ACOXL: variants seen among roughly 807,000 people sequenced by gnomAD.
The protein encoded by ACOXL is acyl-CoA oxidase like, also known as acyl-coenzyme A oxidase-like protein.
ACOXL carries 70 observed loss-of-function variants against 71.9 expected under a neutral mutation model. The observed-to-expected ratio is 0.97, with a 90% CI of 0.80 to 1.19. ACOXL has a LOEUF of 1.19. Among genes scored for constraint, ACOXL ranks in the 50% most tolerant of loss-of-function variants. The pLI is 0.00. For synonymous variants in ACOXL, 253 were observed against 281.6 expected, an observed-to-expected ratio of 0.90 and a Z score of 1.02; for missense variants, 703 against 736.3, an observed-to-expected ratio of 0.95 and a Z score of 0.52.
intron 10 of ACOXL, among the ~76,000 whole-genome samples, chr2:110,844,573 A>C (rs1325020361): frequency 7.2e-6 from 1 of 139,212 alleles, no homozygotes; most frequent in Non-Finnish European, 1.5e-5. Context: ...TTTGAGACAG[A>C]GTCTTGCTCT....
At chr2:110,860,708 C>A (rs1369446352) in intron 10 of ACOXL, among the ~76,000 whole-genome samples, 1 of 152,200 alleles carries the variant, frequency 6.6e-6, no homozygotes, top group Non-Finnish European at 1.5e-5. Flanking sequence ...CTATCCAGAT[C>A]TTCAGTGCAG....
chr2:110,968,778 CAA>C (rs35801632), intron 12 of ACOXL: 6,567 of 214,762 alleles, frequency 0.031, no homozygotes, highest in Middle Eastern at 0.045. Flanking sequence ...TTATGGACAG[CAA>C]AAAAAAAAAA....
At chr2:110,849,925 A>G (rs199725357) in intron 10 of ACOXL, among the ~76,000 whole-genome samples, 48 of 152,370 alleles carry the variant, frequency 3.2e-4, no homozygotes, top group East Asian at 2.1e-3. Flanking sequence ...TTGTAGTCCA[A>G]TGGGACATAG....
chr2:110,851,370 C>G lies in ACOXL; in HGVS notation c.788+9965C>G, dbSNP rs377438796. Among the ~76,000 whole-genome samples, 4 of 152,170 alleles carry G rather than the reference C, an allele frequency of 2.6e-5. No homozygotes were observed. The East Asian group carries it at 7.7e-4, about 29-fold the overall frequency. On this transcript the variant is annotated intron_variant, in intron 10 of 17. Transcript: ENST00000439055. ...GCCGTGTTGACACTTTTTCCAAGTGCTTCTGGGTATGGTTTGAGGGGGTTC... is the reference window on the plus strand; with the variant it reads ...GCCGTGTTGACACTTTTTCCAAGTGGTTCTGGGTATGGTTTGAGGGGGTTC...
rs112609028 is a variant in ACOXL, at chr2:111,104,878, T to C, written c.1542+11912T>C. 8.9e-3 allele frequency among the ~76,000 whole-genome samples: 1,362 copies of C among 152,274 alleles called. 28 individuals carry two copies. The highest frequency in any genetic ancestry group is 0.032 in the African/African-American group (1,314 of 41,580). On this transcript the variant is annotated intron_variant, in intron 17 of 17. Transcript: ENST00000439055. The stretch of plus-strand genomic sequence containing the variant: ...TATGGACTGTAATGTACTTTTACTG[T>C]CAAGTCTAAAAACTTTTCACCTATT...
intron 14 of ACOXL, among the ~76,000 whole-genome samples, chr2:111,028,825 G>A (rs1457087850): frequency 6.6e-6 from 1 of 152,200 alleles, no homozygotes; most frequent in Non-Finnish European, 1.5e-5. Context: ...ATGGGATGTT[G>A]TTGATATTAA....
chr2:111,105,900 T>TCTCC lies in ACOXL; in HGVS notation c.1543-11713_1543-11710dup, dbSNP rs2069514393. Among the ~76,000 whole-genome samples, 3 of 152,332 alleles carry TCTCC rather than the reference T, an allele frequency of 2.0e-5. No homozygotes were observed. In the South Asian group the frequency reaches 6.2e-4, roughly 32 times the overall value. On this transcript the variant is annotated intron_variant, in intron 17 of 17. Coordinates refer to ENST00000439055, the MANE Select transcript of ACOXL (RefSeq NM_001142807.4). ...GAAAATCTGCTGCCAATTGTTTTTT[T>TCTCC]CTCCCTTGTAAGTAAAATGTCATTT...
intron 9 of ACOXL, among the ~76,000 whole-genome samples, chr2:110,840,774 A>T (rs917487333): frequency 6.6e-6 from 1 of 152,236 alleles, no homozygotes; most frequent in Non-Finnish European, 1.5e-5. Flanking sequence ...GATGTCACAC[A>T]TGAATTTCAG....
chr2:110,856,794 C>A (rs1201855319), intron 10 of ACOXL, among the ~76,000 whole-genome samples: 1 of 152,124 alleles, frequency 6.6e-6, no homozygotes, highest in Non-Finnish European at 1.5e-5. Context: ...TGGAATGTAT[C>A]CCCGGTACAG....
At chr2:110,908,002 G>A (rs752777332) in intron 10 of ACOXL, among the ~76,000 whole-genome samples, 7 of 152,168 alleles carry the variant, frequency 4.6e-5, no homozygotes, top group Admixed American at 1.3e-4. Context: ...ATAAACCAGC[G>A]TTAAACTCAG....
intron 9 of ACOXL, among the ~76,000 whole-genome samples, chr2:110,820,784 C>T (rs1688505063): frequency 6.6e-6 from 1 of 152,082 alleles, no homozygotes; most frequent in Non-Finnish European, 1.5e-5. Flanking sequence ...GTTGGGTTGG[C>T]CCAGATTTGG....
chr2:110,963,466 A>G (rs2149455775), intron 12 of ACOXL, among the ~76,000 whole-genome samples: 1 of 152,314 alleles, frequency 6.6e-6, no homozygotes, highest in Non-Finnish European at 1.5e-5. Context: ...TATTTTGGCT[A>G]GGAGAAATAT....
chr2:110,950,454 A>G (rs1196833028), intron 12 of ACOXL, among the ~76,000 whole-genome samples: 1 of 152,230 alleles, frequency 6.6e-6, no homozygotes, highest in Non-Finnish European at 1.5e-5. Context: ...AACGGCATAA[A>G]CAAGGCAATT....
rs751027436 is a variant in ACOXL, at chr2:111,092,950, C to T, written c.1526C>T (p.Thr509Met). The T allele has an allele frequency of 1.9e-5, 31 of 1,613,686 alleles. No homozygotes were observed. Among genetic ancestry groups the T allele is most frequent in the South Asian group, 2.2e-5 (2 of 91,068 alleles). ...EHKYLTPMAS[T>M]RIRNQLLDLC... ...AAATACTTGACTCCCATGGCCAGCA[C>T]GAGGATCAGGAATCAGGTAAGGTCC... is the stretch of plus-strand genomic sequence containing the variant. The change falls in exon 17 of 18, where the codon ACG (threonine) becomes ATG (methionine). Residue 509 changes from threonine (T) to methionine (M), a missense_variant. By Grantham distance (81) the Thr-to-Met change is moderately conservative. Coordinates refer to ENST00000439055, the MANE Select transcript of ACOXL (RefSeq NM_001142807.4).
chr2:111,112,405 C>G (rs2070045879), intron 17 of ACOXL, among the ~76,000 whole-genome samples: 1 of 152,218 alleles, frequency 6.6e-6, no homozygotes, highest in East Asian at 1.9e-4. Context: ...AATCACAGCA[C>G]ACGCTATGAG....
At chr2:110,805,476 A>T (rs1352349962) in intron 9 of ACOXL, 81 bp downstream of exon 9, 20 of 1,575,162 alleles carry the variant, frequency 1.3e-5, no homozygotes, top group Non-Finnish European at 1.6e-5. Context: ...CCAGGAGCTG[A>T]GCTTCTGGAG....
intron 10 of ACOXL, among the ~76,000 whole-genome samples, chr2:110,851,460 T>C (rs1692589866): frequency 6.6e-6 from 1 of 152,198 alleles, no homozygotes; most frequent in South Asian, 2.1e-4. Context: ...TGAGCCACAT[T>C]GTCATTTTCA....
intron 11 of ACOXL, 46 bp downstream of exon 11, chr2:110,908,951 C>A: frequency 7.2e-7 from 1 of 1,394,596 alleles, no homozygotes; most frequent in Non-Finnish European, 1.0e-6. Flanking sequence ...AGTGTGATAC[C>A]CTGGCATGAG....
At chr2:110,886,972 A>G (rs550924346) in intron 10 of ACOXL, 13 of 1,177,732 alleles carry the variant, frequency 1.1e-5, no homozygotes, top group African/African-American at 3.1e-5. Flanking sequence ...CACTATCCCA[A>G]ACTTTTTATC....
Sources: gnomAD v4.1 joint callset for allele counts (sites outside exome capture counted in the v4.1 genomes callset) on GRCh38, gnomAD v4.1.1 for gene constraint, MANE v1.5 for transcripts, NCBI Gene and HGNC (gene_info 2026-07-23, HGNC 2026-07-21) for gene names.